CUBN: variants seen among roughly 807,000 people sequenced by gnomAD.
The protein encoded by CUBN is 460 kDa receptor.
In CUBN, 282 loss-of-function variants were observed where a neutral mutation model predicts 405.3. That is an observed-to-expected ratio of 0.70 (90% CI 0.63 to 0.77). The LOEUF is 0.77. Among genes scored for constraint, CUBN ranks in the 30% least tolerant of loss-of-function variants. The pLI, the probability that CUBN is intolerant of heterozygous loss-of-function variation, is 0.00. For synonymous variants in CUBN, 1,684 were observed against 1,617.0 expected, an observed-to-expected ratio of 1.04 and a Z score of -0.99; for missense variants, 4,514 against 4,475.2, an observed-to-expected ratio of 1.01 and a Z score of -0.25.
chr10:17,068,566 G>T, intron 20 of CUBN, 39 bp downstream of exon 20: 3 of 1,515,432 alleles, frequency 2.0e-6, no homozygotes, highest in Non-Finnish European at 2.7e-6. Flanking sequence ...TCTGATACAA[G>T]CCCAAGAGGA....
At chr10:16,892,155 C>T (rs142939478) in intron 54 of CUBN, among the ~76,000 whole-genome samples, 237 of 152,250 alleles carry the variant, frequency 1.6e-3, no homozygotes, top group African/African-American at 5.3e-3. Flanking sequence ...TTTAATAATT[C>T]TCAGCTCTTT....
intron 58 of CUBN, among the ~76,000 whole-genome samples, chr10:16,871,518 AG>A (rs2131370341): frequency 6.6e-6 from 1 of 151,960 alleles, no homozygotes; most frequent in African/African-American, 2.4e-5. Context: ...GGTTGGTTGA[AG>A]GTTTTCAGAC....
chr10:17,059,170 G>T (rs1375129007), intron 22 of CUBN, among the ~76,000 whole-genome samples: 1 of 151,834 alleles, frequency 6.6e-6, no homozygotes, highest in Admixed American at 6.6e-5. Flanking sequence ...GCCTTCTGTG[G>T]ACCATTACAA....
intron 54 of CUBN, among the ~76,000 whole-genome samples, chr10:16,895,024 C>T (rs1215921569): frequency 6.6e-6 from 1 of 152,158 alleles, no homozygotes; most frequent in African/African-American, 2.4e-5. Context: ...CCTGTTTGGC[C>T]TCTTACACCA....
intron 14 of CUBN, among the ~76,000 whole-genome samples, chr10:17,092,768 G>GAAT (rs1836294525): frequency 6.6e-6 from 1 of 152,186 alleles, no homozygotes; most frequent in East Asian, 1.9e-4. Flanking sequence ...GAAAACTGAT[G>GAAT]AATAATTCAC....
At chr10:16,950,638 T>G (rs993064868) in intron 33 of CUBN, among the ~76,000 whole-genome samples, 1 of 152,168 alleles carries the variant, frequency 6.6e-6, no homozygotes, top group Non-Finnish European at 1.5e-5. Flanking sequence ...TGGTTTCCTT[T>G]GAAGAGTAAT....
At chr10:17,072,229 T>C (rs1424235251) in intron 17 of CUBN, among the ~76,000 whole-genome samples, 1 of 151,998 alleles carries the variant, frequency 6.6e-6, no homozygotes, top group Admixed American at 6.6e-5. Flanking sequence ...ATTTTCACAA[T>C]GTCAAAGAGG....
At chr10:17,041,670 GT>G (rs1188247989) in intron 26 of CUBN, among the ~76,000 whole-genome samples, 1 of 151,988 alleles carries the variant, frequency 6.6e-6, no homozygotes, top group Non-Finnish European at 1.5e-5. Flanking sequence ...AAATTCAACA[GT>G]TTAAAAACCC....
chr10:17,034,846 T>C (rs1834861649), intron 27 of CUBN, among the ~76,000 whole-genome samples: 1 of 152,128 alleles, frequency 6.6e-6, no homozygotes, highest in Non-Finnish European at 1.5e-5. Context: ...CCCCAAAAAA[T>C]GTAGCATTTG....
chr10:16,898,959 C>G (rs1303741311), intron 54 of CUBN, 37 bp downstream of exon 54: 9 of 1,501,374 alleles, frequency 6.0e-6, no homozygotes, highest in Non-Finnish European at 7.4e-6. Context: ...GTTCACAAAA[C>G]CAACTTGGCT....
chr10:16,954,268 T>G, intron 32 of CUBN, 121 bp downstream of exon 32: 1 of 1,161,024 alleles, frequency 8.6e-7, no homozygotes, highest in African/African-American at 1.5e-5. Flanking sequence ...TTCTATTTAA[T>G]TTTTTACATG....
At chr10:17,093,751 G>A (rs1452806022) in intron 14 of CUBN, among the ~76,000 whole-genome samples, 1 of 151,596 alleles carries the variant, frequency 6.6e-6, no homozygotes, top group East Asian at 1.9e-4. Context: ...CAGATACTGA[G>A]GCTACCAAAC....
chr10:17,090,880 G>A (rs11254365), intron 14 of CUBN, among the ~76,000 whole-genome samples: 49,195 of 147,280 alleles, frequency 0.33, 9,884 homozygotes, highest in East Asian at 0.54. Context: ...TATAGTGTAA[G>A]ATCACTATGA....
intron 51 of CUBN, 75 bp downstream of exon 51, chr10:16,903,891 T>C: frequency 8.6e-6 from 9 of 1,050,852 alleles, no homozygotes; most frequent in Non-Finnish European, 1.2e-5. Context: ...TAACAAAATA[T>C]ATATGAAATC....
chr10:17,107,034 C>T (rs531515003), intron 10 of CUBN, among the ~76,000 whole-genome samples: 1 of 152,080 alleles, frequency 6.6e-6, no homozygotes, highest in East Asian at 1.9e-4. Context: ...CAATGGCAAT[C>T]GAATTAGGTT....
chr10:17,021,458 T>C (rs1327823386), intron 27 of CUBN, among the ~76,000 whole-genome samples: 2 of 152,196 alleles, frequency 1.3e-5, no homozygotes, highest in Non-Finnish European at 2.9e-5. Context: ...CAGTTACCCT[T>C]GGGATAAGCT....
intron 21 of CUBN, among the ~76,000 whole-genome samples, chr10:17,067,714 T>A (rs188823679): frequency 4.6e-5 from 7 of 152,260 alleles, no homozygotes; most frequent in Admixed American, 4.6e-4. Flanking sequence ...ATGATTCCAT[T>A]TAGATGATAT....
chr10:17,026,558 C>G (rs1834668551), intron 27 of CUBN, among the ~76,000 whole-genome samples: 1 of 151,648 alleles, frequency 6.6e-6, no homozygotes, highest in South Asian at 2.1e-4. Flanking sequence ...ACTTGAACCC[C>G]AGGAGGTGGA....
intron 65 of CUBN, among the ~76,000 whole-genome samples, chr10:16,830,802 T>C (rs1356511512): frequency 6.6e-6 from 1 of 152,106 alleles, no homozygotes; most frequent in African/African-American, 2.4e-5. Context: ...AATGTAAAAT[T>C]TAAAGTAATC....
Sources: gnomAD v4.1 joint callset for allele counts (sites outside exome capture counted in the v4.1 genomes callset) on GRCh38, gnomAD v4.1.1 for gene constraint, MANE v1.5 for transcripts, NCBI Gene and HGNC (gene_info 2026-07-23, HGNC 2026-07-21) for gene names.